PLXNB2: variants seen among roughly 807,000 people sequenced by gnomAD.
PLXNB2 encodes plexin B2.
PLXNB2 carries 85 observed loss-of-function variants against 202.6 expected under a neutral mutation model. That is an observed-to-expected ratio of 0.42 (90% CI 0.35 to 0.50). PLXNB2 has a LOEUF of 0.50. Among genes scored for constraint, PLXNB2 ranks in the 20% least tolerant of loss-of-function variants. PLXNB2 has a pLI of 0.02. For missense variants in PLXNB2, 2,063 were observed against 2,586.2 expected (o/e 0.80, Z 4.39); for synonymous variants, 1,239 against 1,137.6 (o/e 1.09, Z -1.79).
Position 50,282,273 on chromosome 22 carries a change from G to C in PLXNB2, c.3028C>G (p.Leu1010Val). The C allele has an allele frequency of 6.2e-7, 1 of 1,612,314 alleles. No homozygotes were observed. The highest frequency in any genetic ancestry group is 1.7e-5 in the Admixed American group (1 of 60,000). ...ACCACCATGGCAAACCTCTGGATCA[G>C]GCTGAAGCCCTGACCCGTGACGTTG... ...SINVTGQGFS[L>V]IQRFAMVVIA... Residue 1010 changes from leucine to valine, a missense_variant, in exon 19 of 37, where the codon CTG becomes GTG. Coordinates refer to ENST00000359337, the MANE Select transcript of PLXNB2 (RefSeq NM_012401.4).
In PLXNB2 at chr22:50,289,469, A is replaced by G. The variant is rs1418308421; in HGVS notation, c.1068+48T>C. On this transcript the variant is annotated intron_variant, in intron 3 of 36. Transcript: ENST00000359337. The surrounding 1 kb of genome is among the most constrained non-coding windows in gnomAD (Gnocchi z 8.0). ...CAGGCTGGGACACGCAAACCCACGA[A>G]CGGACGCCTGCAGTCCGGGCCCTGC... The G allele has an allele frequency of 1.3e-6, 2 of 1,525,744 alleles. No homozygotes were observed. Among genetic ancestry groups the G allele is most frequent in the South Asian group, 2.4e-5 (2 of 81,872 alleles). 94.5% of individuals were successfully genotyped at this position (1,525,744 alleles called of 1,614,324 possible).
chr22:50,285,958 G>C, intron 10 of PLXNB2, 32 bp downstream of exon 10: 1 of 1,607,330 alleles, frequency 6.2e-7, no homozygotes, highest in Non-Finnish European at 8.5e-7. Context: ...GCCATGCCCT[G>C]AACAGTCCCC....
At chr22:50,307,527 G>T (rs1249891753) in intron 1 of PLXNB2, 26 bp downstream of exon 1, 2 of 973,794 alleles carry the variant, frequency 2.1e-6, no homozygotes, top group Non-Finnish European at 2.4e-6. Flanking sequence ...GACGTCCCCC[G>T]CAGCCCAGTC....
rs775234766 is a variant in PLXNB2, at chr22:50,279,794, G to A, written c.4243-18C>T. On this transcript the variant is annotated intron_variant, in intron 26 of 36. Transcript: ENST00000359337. ...GCACTGTCCTGGAGTAACACGGAGG[G>A]GAGGCTGGGAGGTCAGGGGACTTGG... 5 of 1,613,314 alleles carry A rather than the reference G, an allele frequency of 3.1e-6. No individual in the cohort carries two copies. In the Admixed American group the frequency reaches 6.7e-5, roughly 22 times the overall value.
At chr22:50,280,450 C>G (rs1187680608) in intron 25 of PLXNB2, 39 bp downstream of exon 25, 1 of 1,559,050 alleles carries the variant, frequency 6.4e-7, no homozygotes, top group East Asian at 2.3e-5. Context: ...CTGCGGCCGC[C>G]CCGCCCGTGG....
rs1172981267 is a variant in PLXNB2, at chr22:50,276,638, C to G, written c.5328G>C (p.Glu1776Asp). 8 of 1,613,496 alleles carry G rather than the reference C, an allele frequency of 5.0e-6. No homozygotes were observed. The highest frequency in any genetic ancestry group is 6.8e-6 in the Non-Finnish European group (8 of 1,179,684). The change falls in exon 35 of 37, where the codon GAG becomes GAC. Residue 1776 changes from glutamate (E) to aspartate (D), a missense_variant. By Grantham distance (45) the Glu-to-Asp change is conservative (BLOSUM62 2). Around this residue, in one of 2 missense-constraint regions of PLXNB2, gnomAD observed 760 missense variants for 1,109.4 expected, o/e 0.69. Coordinates refer to ENST00000359337, the MANE Select transcript of PLXNB2 (RefSeq NM_012401.4). ...CTGGTGGTCTCCTTACCCGGGAAATCTCTGCCAGGTGTGTGTTCATGTCCT... is the reference window on the plus strand; with the variant it reads ...CTGGTGGTCTCCTTACCCGGGAAATGTCTGCCAGGTGTGTGTTCATGTCCT... ...SDQDMNTHLA[E>D]ISRAHTDSLN...
rs1351986520 is a variant in PLXNB2 at position 50,280,812 on chromosome 22, G to A, written c.3925C>T (p.Arg1309Trp). ...TAGAGGGCCTGCTCCACCACCGGCC[G>A]CCGCGGCTCAGGGATGTCCAGCTTG... is the stretch of plus-strand genomic sequence containing the variant. ...TGKLDIPEPR[R>W]PVVEQALYQF... Residue 1309 changes from arginine (R) to tryptophan (W), a missense_variant, in exon 24 of 37, where the codon CGG (arginine) becomes TGG (tryptophan). Around this residue, in one of 2 missense-constraint regions of PLXNB2, gnomAD observed 760 missense variants for 1,109.4 expected, o/e 0.69. Coordinates refer to ENST00000359337, the MANE Select transcript of PLXNB2 (RefSeq NM_012401.4). 11 of 1,599,628 alleles carry A rather than the reference G, an allele frequency of 6.9e-6. No homozygotes were observed. The highest frequency in any genetic ancestry group is 1.3e-5 in the African/African-American group (1 of 74,354).
intron 35 of PLXNB2, 87 bp from the exon 36 acceptor site, chr22:50,276,050 G>A: frequency 7.7e-7 from 1 of 1,297,260 alleles, no homozygotes; most frequent in South Asian, 1.2e-5. Flanking sequence ...CCAGGACGAG[G>A]CCTCCCCGGG....
chr22:50,277,953 C>T lies in PLXNB2; in HGVS notation c.4948G>A (p.Val1650Met), dbSNP rs779415007. ...AAGAAGTACTTGACTGCAGGTGGCA[C>T]CGCGTGCCCAGGCGCCAGCACGCTC... is the stretch of plus-strand genomic sequence containing the variant. The part of the protein sequence containing the change: ...FQSVLAPGHA[V>M]PPAVKYFFDF... The change falls in exon 32 of 37, where the codon GTG becomes ATG. Residue 1650 changes from valine to methionine, a missense_variant. Around this residue, in one of 2 missense-constraint regions of PLXNB2, gnomAD observed 760 missense variants for 1,109.4 expected, o/e 0.69. Coordinates refer to ENST00000359337, the MANE Select transcript of PLXNB2 (RefSeq NM_012401.4). 3 of 1,613,072 alleles carry T rather than the reference C, an allele frequency of 1.9e-6. No homozygotes were observed. Among genetic ancestry groups the T allele is most frequent in the Non-Finnish European group, 8.5e-7 (1 of 1,179,848 alleles).
chr22:50,289,572 C>A lies in PLXNB2; in HGVS notation c.1013G>T (p.Arg338Leu), dbSNP rs530051710. 3 of 1,611,514 alleles carry A rather than the reference C, an allele frequency of 1.9e-6. No homozygotes were observed. Among genetic ancestry groups the A allele is most frequent in the African/African-American group, 2.7e-5 (2 of 75,072 alleles). The change falls in exon 3 of 37, where the codon CGT (arginine) becomes CTT (leucine). Residue 338 changes from arginine to leucine, a missense_variant. Coordinates refer to ENST00000359337, the MANE Select transcript of PLXNB2 (RefSeq NM_012401.4). The surrounding 1 kb of genome is among the most constrained non-coding windows in gnomAD (Gnocchi z 8.0). ...NACYTGTREA[R>L]DIFYKPFHGD... Reference sequence around the variant, plus strand: ...GTGGAAGGGCTTGTAGAAGATGTCACGGGCCTCCCGGGTGCCTGTGTAACA... The same window carrying A: ...GTGGAAGGGCTTGTAGAAGATGTCAAGGGCCTCCCGGGTGCCTGTGTAACA...
rs994389500 is a variant in PLXNB2 at position 50,290,318 on chromosome 22, C to T, written c.267G>A (p.Glu89=). Residue 89 remains glutamate (E), a synonymous_variant, in exon 3 of 37, where the codon GAG becomes GAA. Transcript: ENST00000359337. ...GGTTGACATTGTCAGTCATCTCAGC[C>T]TCATGGCACTGGCTGGCCTCGATGG... The part of the protein sequence containing the change: ...TPPIEASQCH[E]AEMTDNVNQL... The T allele has an allele frequency of 6.2e-7, 1 of 1,612,338 alleles. No individual in the cohort carries two copies. Among genetic ancestry groups the T allele is most frequent in the Non-Finnish European group, 8.5e-7 (1 of 1,180,020 alleles).
chr22:50,278,619 C>T lies in PLXNB2; in HGVS notation c.4624G>A (p.Val1542Ile), dbSNP rs201459786. The T allele has an allele frequency of 3.2e-5, 51 of 1,612,804 alleles. No homozygotes were observed. The highest frequency in any genetic ancestry group is 3.5e-5 in the Non-Finnish European group (41 of 1,179,798). ...TSQREGRWKR[V>I]NTLMHYNVRD... The stretch of plus-strand genomic sequence containing the variant: ...ACATTGTAGTGCATAAGGGTGTTGA[C>T]GCGCTTCCACCGGCCCTCCCGCTGT... Residue 1542 changes from valine (V) to isoleucine (I), a missense_variant, in exon 29 of 37, where the codon GTC becomes ATC. By Grantham distance (29) the Val-to-Ile change is conservative (BLOSUM62 3). Around this residue, in one of 2 missense-constraint regions of PLXNB2, gnomAD observed 760 missense variants for 1,109.4 expected, o/e 0.69. Transcript: ENST00000359337.
chr22:50,300,611 G>A (rs2067627694), intron 1 of PLXNB2, among the ~76,000 whole-genome samples: 1 of 152,222 alleles, frequency 6.6e-6, no homozygotes. Context: ...TCGCTTCAGC[G>A]TCTACAGCGG....
In PLXNB2 at chr22:50,284,510, A is replaced by AC. The variant is rs146267024; in HGVS notation, c.2181+62dup. 84,484 of 1,208,040 alleles carry AC rather than the reference A, an allele frequency of 0.07. 6,759 individuals carry two copies. Among genetic ancestry groups the AC allele is most frequent in the East Asian group, 0.36 (13,860 of 38,208 alleles). 74.8% of individuals were successfully genotyped at this position (1,208,040 alleles called of 1,614,324 possible). On this transcript the variant is annotated intron_variant, in intron 12 of 36. Coordinates refer to ENST00000359337, the MANE Select transcript of PLXNB2 (RefSeq NM_012401.4). This position sits in a 1 kb window ranked among gnomAD's most constrained non-coding sequence, Gnocchi z 8.0. ...CCCTCCCCTCACAGTCCTGAAGGTG[A>AC]CCCCCCACCCCACCCGGGGCCCTGG...
chr22:50,277,697 T>C lies in PLXNB2; in HGVS notation c.5090A>G (p.His1697Arg). The C allele has an allele frequency of 6.2e-7, 1 of 1,606,144 alleles. No individual in the cohort carries two copies. Residue 1697 changes from histidine (H) to arginine (R), a missense_variant, in exon 33 of 37, where the codon CAC becomes CGC. This residue lies in a region of PLXNB2 where 760 missense variants were observed against 1,109.4 expected (regional missense o/e 0.69). Transcript: ENST00000359337. ...GTGGACATGCACGTCAAAGATGAAG[T>C]GGGGGTTCTTGAGGATGTTCACCCA... ...RFWVNILKNP[H>R]FIFDVHVHEV...
chr22:50,276,980 C>A (rs1161340470), intron 33 of PLXNB2, 74 bp from the exon 34 acceptor site: 1 of 1,079,610 alleles, frequency 9.3e-7, no homozygotes, highest in African/African-American at 1.6e-5. Context: ...CCCTGGGTAG[C>A]TTCCCCTGCC....
At chr22:50,277,183 C>T (rs527582327) in intron 33 of PLXNB2, among the ~76,000 whole-genome samples, 36 of 152,180 alleles carry the variant, frequency 2.4e-4, no homozygotes, top group African/African-American at 8.4e-4. Flanking sequence ...TGCCTGTAGT[C>T]CCAGCTACTC....
chr22:50,277,477 G>T, intron 33 of PLXNB2, 114 bp downstream of exon 33: 1 of 1,111,306 alleles, frequency 9.0e-7, no homozygotes, highest in Non-Finnish European at 1.2e-6. Context: ...CTACATCAAG[G>T]GCTCCAGCCC....
chr22:50,304,375 C>T (rs2067811473), intron 1 of PLXNB2, among the ~76,000 whole-genome samples: 2 of 152,178 alleles, frequency 1.3e-5, no homozygotes, highest in Non-Finnish European at 2.9e-5. Context: ...AATCCCTTCA[C>T]ACGCTTGGTC....
Sources: gnomAD v4.1 joint callset for allele counts (sites outside exome capture counted in the v4.1 genomes callset) on GRCh38, gnomAD v4.1.1 for gene constraint, gnomAD v4.1.1 regional missense constraint, Gnocchi (gnomAD v3.1) non-coding constraint, MANE v1.5 for transcripts, NCBI Gene and HGNC (gene_info 2026-07-23, HGNC 2026-07-21) for gene names.